The following NR2E1 variants were observed in gnomAD, a reference collection of about 807,000 sequenced individuals.
NR2E1 encodes the protein nuclear receptor TLX.
NR2E1 carries 5 observed loss-of-function variants against 43.6 expected under a neutral mutation model. The observed-to-expected ratio is 0.11, with a 90% CI of 0.06 to 0.24. The LOEUF (loss-of-function observed/expected upper bound fraction) is 0.24, where lower values mean the gene tolerates loss of function less well. Ranked by LOEUF, NR2E1 falls within the 10% of genes least tolerant of loss-of-function variation. The pLI, the probability that NR2E1 is intolerant of heterozygous loss-of-function variation, is 1.00. For synonymous variants in NR2E1, 191 were observed against 195.5 expected (o/e 0.98, Z 0.19); for missense variants, 287 against 496.7 (o/e 0.58, Z 4.01).
chr6:108,185,226 C>T lies in NR2E1; in HGVS notation c.996-2075C>T, dbSNP rs115865390. Among the ~76,000 whole-genome samples, 431 of 152,312 alleles carry T rather than the reference C, an allele frequency of 2.8e-3. 2 individuals are homozygous for T. The highest frequency in any genetic ancestry group is 9.7e-3 in the African/African-American group (403 of 41,560). On this transcript the variant is annotated intron_variant, in intron 8 of 8. Coordinates refer to ENST00000368986, the MANE Select transcript of NR2E1 (RefSeq NM_003269.5). ...GCTAGGAATTGACATTCCACACAAA[C>T]TATATTCTATAACTGAAGATCAAAT...
intron 2 of NR2E1, among the ~76,000 whole-genome samples, chr6:108,172,018 A>G (rs1231998719): frequency 1.3e-5 from 2 of 152,210 alleles, no homozygotes; most frequent in Non-Finnish European, 2.9e-5. Context: ...TCCTAGCAGC[A>G]TCAAGCTCAG....
chr6:108,176,679 G>T lies in NR2E1; in HGVS notation c.436G>T (p.Ala146Ser), dbSNP rs1286872045. The T allele has an allele frequency of 1.9e-6, 3 of 1,600,204 alleles. No individual in the cohort carries two copies. The Admixed American group carries it at 5.1e-5, about 27-fold the overall frequency. Residue 146 changes from alanine to serine, a missense_variant, in exon 4 of 9, where the codon GCG becomes TCG. Transcript: ENST00000368986. Reference sequence around the variant, plus strand: ...GGAGCCGCACGGCCTGGAGCTGGCCGCGGTGTCCACCACTCCAGAGCGGCA... The same window carrying T: ...GGAGCCGCACGGCCTGGAGCTGGCCTCGGTGTCCACCACTCCAGAGCGGCA... ...QLEPHGLELA[A>S]VSTTPERQTL...
rs1175934520 is a variant in NR2E1 at position 108,169,415 on chromosome 6, C to T, written c.26-2043C>T. ...GAGATGTTGTCATGGGCCTCCTGTC[C>T]GGATGGGAAGTGGGGAAAAAGAGAC... On this transcript the variant is annotated intron_variant, in intron 1 of 8. Transcript: ENST00000368986. This position sits in a 1 kb window ranked among gnomAD's most constrained non-coding sequence, Gnocchi z 6.1. 6.6e-6 allele frequency among the ~76,000 whole-genome samples: 1 copy of T among 152,176 alleles called. No individual in the cohort carries two copies. The highest frequency in any genetic ancestry group is 1.5e-5 in the Non-Finnish European group (1 of 68,032).
chr6:108,173,852 A>G lies in NR2E1; in HGVS notation c.172-984A>G, dbSNP rs138284972. ...CTAACACTGAATAAATTCCAAAGGA[A>G]ACTTTATCTGTAGATTTCCTCTTTC... On this transcript the variant is annotated intron_variant, in intron 2 of 8. Coordinates refer to ENST00000368986, the MANE Select transcript of NR2E1 (RefSeq NM_003269.5). Among the ~76,000 whole-genome samples, 185 of 152,354 alleles carry G rather than the reference A, an allele frequency of 1.2e-3. 1 individual carries two copies. The highest frequency in any genetic ancestry group is 4.3e-3 in the African/African-American group (177 of 41,576).
At chr6:108,168,270 G>C in intron 1 of NR2E1, 1 of 1,197,180 alleles carries the variant, frequency 8.4e-7, no homozygotes, top group East Asian at 2.6e-5. Context: ...TGCAAAAACT[G>C]AAGCCCGTGG....
In NR2E1 at chr6:108,169,448, CT is replaced by C. The variant is rs1375320390; in HGVS notation, c.26-2009del. ...AAGTGGGGAAAAAGAGACCCCACCA[CT>C]GCTCCTCCCACTCACTCATCTTGGC... is the stretch of plus-strand genomic sequence containing the variant. On this transcript the variant is annotated intron_variant, in intron 1 of 8. Coordinates refer to ENST00000368986, the MANE Select transcript of NR2E1 (RefSeq NM_003269.5). This position sits in a 1 kb window ranked among gnomAD's most constrained non-coding sequence, Gnocchi z 6.1. Among the ~76,000 whole-genome samples the C allele has an allele frequency of 1.3e-5, 2 of 152,210 alleles. No homozygotes were observed. The highest frequency in any genetic ancestry group is 6.5e-5 in the Admixed American group (1 of 15,284).
chr6:108,185,566 T>C (rs2114683791), intron 8 of NR2E1, among the ~76,000 whole-genome samples: 1 of 152,220 alleles, frequency 6.6e-6, no homozygotes, highest in South Asian at 2.1e-4. Flanking sequence ...GCCCAGCGAA[T>C]TTTTGTAGAG....
At chr6:108,171,344 T>G in intron 1 of NR2E1, 114 bp from the exon 2 acceptor site, 2 of 1,196,212 alleles carry the variant, frequency 1.7e-6, no homozygotes, top group South Asian at 2.5e-5. Context: ...TGCTAATCCC[T>G]TCAGAGGTCA....
At chr6:108,184,847 ATTC>A (rs1774048219) in intron 8 of NR2E1, among the ~76,000 whole-genome samples, 1 of 152,248 alleles carries the variant, frequency 6.6e-6, no homozygotes, top group Non-Finnish European at 1.5e-5. Context: ...TTGCCATGGA[ATTC>A]TTATTATTTC....
At chr6:108,173,723 T>G (rs1172090478) in intron 2 of NR2E1, among the ~76,000 whole-genome samples, 5 of 152,256 alleles carry the variant, frequency 3.3e-5, no homozygotes, top group Admixed American at 3.3e-4. Flanking sequence ...TAGCAACTTC[T>G]ATAAATATAG....
At position 108,166,794 on chromosome 6, in the gene NR2E1, G is replaced by A. The variant is rs564554395; in HGVS notation, c.25+4G>A. The A allele has an allele frequency of 5.7e-6, 9 of 1,591,906 alleles. No individual in the cohort carries two copies. In the South Asian group the frequency reaches 9.1e-5, roughly 16 times the overall value. On this transcript the variant is annotated splice_donor_region_variant and intron_variant, in intron 1 of 8. Transcript: ENST00000368986. The surrounding 1 kb of genome is among the most constrained non-coding windows in gnomAD (Gnocchi z 7.2). ...AGCAAGCCAGCCGGATCAACAAGTGGGTACCTCTCGGGCCGCCGTGGGGCC... is the reference window on the plus strand; with the variant it reads ...AGCAAGCCAGCCGGATCAACAAGTGAGTACCTCTCGGGCCGCCGTGGGGCC...
chr6:108,176,106 C>T (rs189600777), intron 3 of NR2E1: 92 of 199,566 alleles, frequency 4.6e-4, no homozygotes, highest in African/African-American at 2.0e-3. Context: ...AGGTGTCTGG[C>T]GTGCGCGACG....
Position 108,188,011 on chromosome 6 carries a change from G to C in NR2E1, c.*548G>C, listed in dbSNP as rs1338183574. On this transcript the variant is annotated 3_prime_UTR_variant, in exon 9 of 9. Transcript: ENST00000368986. ...GGCCTTCAGAACTGAGTTAATAAGT[G>C]AAAAGTAGCTTATGCCATGTGATTT... The C allele has an allele frequency of 6.4e-6, 1 of 155,938 alleles. No homozygotes were observed. The highest frequency in any genetic ancestry group is 1.4e-5 in the Non-Finnish European group (1 of 70,100). 9.7% of individuals were successfully genotyped at this position (155,938 alleles called of 1,614,324 possible).
chr6:108,179,708 C>T (rs1233569588), intron 5 of NR2E1, among the ~76,000 whole-genome samples: 1 of 152,148 alleles, frequency 6.6e-6, no homozygotes, highest in Middle Eastern at 3.4e-3. Flanking sequence ...TTTAAATATT[C>T]AGTAGCACAT....
At position 108,180,751 on chromosome 6, in the gene NR2E1, A is replaced by G; in HGVS notation, c.740-56A>G. 6.4e-7 allele frequency: 1 copy of G among 1,556,390 alleles called. No individual in the cohort carries two copies. The highest frequency in any genetic ancestry group is 8.9e-7 in the Non-Finnish European group (1 of 1,128,148). On this transcript the variant is annotated intron_variant, in intron 6 of 8. Coordinates refer to ENST00000368986, the MANE Select transcript of NR2E1 (RefSeq NM_003269.5). The surrounding 1 kb of genome is among the most constrained non-coding windows in gnomAD (Gnocchi z 5.4). ...ATGCAGGATTTTGTCAAAAATCAATATTAAATCATGAAAATGCCTTCATAT... is the reference window on the plus strand; with the variant it reads ...ATGCAGGATTTTGTCAAAAATCAATGTTAAATCATGAAAATGCCTTCATAT...
chr6:108,183,492 A>G (rs1774024676), intron 8 of NR2E1, among the ~76,000 whole-genome samples: 2 of 152,160 alleles, frequency 1.3e-5, no homozygotes, highest in Admixed American at 1.3e-4. Flanking sequence ...CTCTAGGCTG[A>G]TTTGAAAGGA....
Position 108,187,779 on chromosome 6 carries a change from T to C in NR2E1, c.*316T>C. The C allele has an allele frequency of 5.1e-6, 2 of 388,912 alleles. No homozygotes were observed. The highest frequency in any genetic ancestry group is 2.4e-5 in the South Asian group (1 of 42,362). 24.1% of individuals were successfully genotyped at this position (388,912 alleles called of 1,614,324 possible). On this transcript the variant is annotated 3_prime_UTR_variant, in exon 9 of 9. Transcript: ENST00000368986. ...CTGCCTCTTACCTGGAAGATCAGGC[T>C]GAACGATCAAAAGCTGAAACATAAG...
intron 8 of NR2E1, among the ~76,000 whole-genome samples, chr6:108,183,183 C>T (rs893748890): frequency 5.3e-5 from 8 of 152,070 alleles, no homozygotes; most frequent in African/African-American, 1.7e-4. Context: ...CCTCCTGGCC[C>T]AGCACTGGGC....
At chr6:108,179,666 A>T (rs1267166384) in intron 5 of NR2E1, among the ~76,000 whole-genome samples, 2 of 152,148 alleles carry the variant, frequency 1.3e-5, no homozygotes, top group African/African-American at 4.8e-5. Flanking sequence ...GGAATCTGGT[A>T]TATTAATTTG....
Sources: allele counts gnomAD v4.1 joint callset (sites outside exome capture counted in the v4.1 genomes callset), GRCh38; gene constraint gnomAD v4.1.1; non-coding constraint Gnocchi (gnomAD v3.1); transcripts MANE v1.5; gene names NCBI Gene and HGNC (gene_info 2026-07-23, HGNC 2026-07-21).